Variants in MYH10 observed in about 807,000 individuals in gnomAD.
MYH10 encodes myosin-10.
In MYH10, 55 loss-of-function variants were observed where a neutral mutation model predicts 257.8. The ratio of observed to expected loss-of-function variants is 0.21; its 90% CI spans 0.17 to 0.27. The LOEUF (loss-of-function observed/expected upper bound fraction) is 0.27. Among genes scored for constraint, MYH10 ranks in the 10% least tolerant of loss-of-function variants. The pLI, the probability that MYH10 is intolerant of heterozygous loss-of-function variation, is 1.00. For missense variants in MYH10, 1,631 were observed against 2,500.6 expected (o/e 0.65, Z 7.42); for synonymous variants, 854 against 921.7 (o/e 0.93, Z 1.33).
At chr17:8,553,370 T>A (rs1300966830) in intron 8 of MYH10, among the ~76,000 whole-genome samples, 1 of 152,214 alleles carries the variant, frequency 6.6e-6, no homozygotes, top group Non-Finnish European at 1.5e-5. Context: ...TCATCTATCT[T>A]TCTAATTGGC....
intron 7 of MYH10, chr17:8,560,990 AC>A: frequency 2.0e-6 from 1 of 509,336 alleles, no homozygotes; most frequent in South Asian, 2.0e-5. Flanking sequence ...TTTGATCTTA[AC>A]CACCAAATCA....
In MYH10 at chr17:8,626,854, C is replaced by T. The variant is rs1249755669; in HGVS notation, c.-31-3577G>A. Among the ~76,000 whole-genome samples the T allele has an allele frequency of 3.3e-5, 5 of 152,058 alleles. 1 individual carries two copies. The highest frequency in any genetic ancestry group is 1.5e-5 in the Non-Finnish European group (1 of 67,986). ...CTGTCTTGCTGTCAGTAGACACGCA[C>T]ACACTTCTTAAATTTTACACTGGAC... is the stretch of plus-strand genomic sequence containing the variant. On this transcript the variant is annotated intron_variant, in intron 1 of 42. Coordinates refer to ENST00000360416, the MANE Select transcript of MYH10 (RefSeq NM_001256012.3).
chr17:8,480,199 C>A lies in MYH10; in HGVS notation c.5508G>T (p.Glu1836Asp). The change falls in exon 40 of 43, where the codon GAG becomes GAT. Residue 1836 changes from glutamate (E) to aspartate (D), a missense_variant. Coordinates refer to ENST00000360416, the MANE Select transcript of MYH10 (RefSeq NM_001256012.3). ...KELKAKLQEL[E>D]GAVKSKFKAT... is the part of the protein sequence containing the mutation. The stretch of plus-strand genomic sequence containing the variant: ...CCTTGAACTTAGACTTGACAGCACC[C>A]TCGAGTTCCTGCAGCTTGGCCTTCA... 6.2e-7 allele frequency: 1 copy of A among 1,614,170 alleles called. No individual in the cohort carries two copies. The highest frequency in any genetic ancestry group is 8.5e-7 in the Non-Finnish European group (1 of 1,180,048).
intron 1 of MYH10, among the ~76,000 whole-genome samples, chr17:8,629,924 G>A (rs2085842107): frequency 2.0e-5 from 3 of 151,562 alleles, no homozygotes; most frequent in African/African-American, 7.3e-5. Context: ...CCCCACGCCC[G>A]CGGCCGGCTC....
chr17:8,608,973 G>T (rs575807980), intron 2 of MYH10, among the ~76,000 whole-genome samples: 1 of 152,272 alleles, frequency 6.6e-6, no homozygotes, highest in South Asian at 2.1e-4. Context: ...ACCACGCCCC[G>T]CTAATTTTTT....
At chr17:8,501,073 T>C in intron 28 of MYH10, 103 bp from the exon 29 acceptor site, 1 of 1,224,280 alleles carries the variant, frequency 8.2e-7, no homozygotes, top group Non-Finnish European at 1.1e-6. Flanking sequence ...ATTACATAAA[T>C]TCCCTTAATA....
At chr17:8,566,650 C>T (rs2083175711) in intron 7 of MYH10, among the ~76,000 whole-genome samples, 2 of 152,150 alleles carry the variant, frequency 1.3e-5, no homozygotes, top group Admixed American at 6.5e-5. Context: ...TCCTAAGAGA[C>T]CCTGGGCCAG....
Position 8,478,404 on chromosome 17 carries a change from C to A in MYH10, c.5640G>T (p.Lys1880Asn), listed in dbSNP as rs1249383948. 2.5e-6 allele frequency: 4 copies of A among 1,614,260 alleles called. No individual in the cohort carries two copies. The highest frequency in any genetic ancestry group is 3.4e-6 in the Non-Finnish European group (4 of 1,180,038). Residue 1880 changes from lysine (K) to asparagine (N), a missense_variant, in exon 41 of 43, where the codon AAG (lysine) becomes AAT (asparagine). Around this residue, in one of 11 missense-constraint regions of MYH10, gnomAD observed 343 missense variants for 389.5 expected, o/e 0.88. Coordinates refer to ENST00000360416, the MANE Select transcript of MYH10 (RefSeq NM_001256012.3). ...CCTGCATGAAGATTTCTTTCAGCTT[C>A]TTCTCAGTGCGACGGACTAATTTGT... ...AANKLVRRTE[K>N]KLKEIFMQVE...
chr17:8,582,022 G>A lies in MYH10; in HGVS notation c.531-4684C>T, dbSNP rs187363660. On this transcript the variant is annotated intron_variant, in intron 4 of 42. Coordinates refer to ENST00000360416, the MANE Select transcript of MYH10 (RefSeq NM_001256012.3). ...CGGGAAAGGGCCTAGCACTGTCCTC[G>A]CCAAAAGGCTCTCAATAAATGGTAG... Among the ~76,000 whole-genome samples, 7 of 152,240 alleles carry A rather than the reference G, an allele frequency of 4.6e-5. No homozygotes were observed. The East Asian group carries it at 1.2e-3, about 25-fold the overall frequency.
At chr17:8,515,414 C>T (rs1409826830) in intron 21 of MYH10, among the ~76,000 whole-genome samples, 1 of 151,990 alleles carries the variant, frequency 6.6e-6, no homozygotes, top group Non-Finnish European at 1.5e-5. Context: ...ATACTGCCAA[C>T]GAATTCCTCC....
rs182249824 is a variant in MYH10 at position 8,531,110 on chromosome 17, G to A, written c.1895-425C>T. ...AATGGCTTTTACTGTCAAAAATTAC[G>A]CTGCTGTGTAATTAATTTTACTTCT... On this transcript the variant is annotated intron_variant, in intron 16 of 42. Transcript: ENST00000360416. 6.6e-5 allele frequency among the ~76,000 whole-genome samples: 10 copies of A among 152,080 alleles called. No homozygotes were observed. The South Asian group carries it at 8.3e-4, about 13-fold the overall frequency.
Position 8,512,583 on chromosome 17 carries a change from C to T in MYH10, c.2820G>A (p.Met940Ile). 1.2e-6 allele frequency: 2 copies of T among 1,613,610 alleles called. No homozygotes were observed. Among genetic ancestry groups the T allele is most frequent in the Non-Finnish European group, 1.7e-6 (2 of 1,179,976 alleles). Residue 940 changes from methionine (M) to isoleucine (I), a missense_variant, in exon 24 of 43, where the codon ATG (methionine) becomes ATA (isoleucine). By Grantham distance (10) the Met-to-Ile change is conservative. Around this residue, in one of 11 missense-constraint regions of MYH10, gnomAD observed 116 missense variants for 221.6 expected, o/e 0.52. Transcript: ENST00000360416. ...ETELFAEAEE[M>I]RARLAAKKQE... ...GCTTTTTAGCAGCAAGTCTTGCCCT[C>T]ATCTCTTCTGCTTCAGCAAAGAGCT...
chr17:8,574,056 T>C (rs1286943910), intron 6 of MYH10, among the ~76,000 whole-genome samples: 1 of 152,198 alleles, frequency 6.6e-6, no homozygotes, highest in East Asian at 1.9e-4. Context: ...TGAAAACATA[T>C]GTTCTCACCA....
At chr17:8,510,789 A>T (rs972860106) in intron 24 of MYH10, among the ~76,000 whole-genome samples, 3 of 152,108 alleles carry the variant, frequency 2.0e-5, no homozygotes, top group African/African-American at 7.2e-5. Context: ...GTCGTGAGAA[A>T]TGAGCTGTCT....
chr17:8,477,096 T>C lies in MYH10; in HGVS notation c.5707-48A>G. ...AAACAAACCAAACTGGTGAATCCAGTGTCGGCCTCTCTGTACCCCGAGCGT... is the reference window on the plus strand; with the variant it reads ...AAACAAACCAAACTGGTGAATCCAGCGTCGGCCTCTCTGTACCCCGAGCGT... On this transcript the variant is annotated intron_variant, in intron 41 of 42. Transcript: ENST00000360416. The surrounding 1 kb of genome is among the most constrained non-coding windows in gnomAD (Gnocchi z 4.2). 6.2e-7 allele frequency: 1 copy of C among 1,605,762 alleles called. No homozygotes were observed. Among genetic ancestry groups the C allele is most frequent in the Non-Finnish European group, 8.5e-7 (1 of 1,175,364 alleles).
chr17:8,603,877 T>C (rs192306705), intron 3 of MYH10, among the ~76,000 whole-genome samples: 212 of 152,314 alleles, frequency 1.4e-3, no homozygotes, highest in African/African-American at 4.8e-3. Context: ...ATGACACTAT[T>C]CTAGTCTTGA....
In MYH10 at chr17:8,499,399, C is replaced by G. The variant is rs748499586; in HGVS notation, c.3822G>C (p.Leu1274=). The change falls in exon 30 of 43, where the codon CTG becomes CTC. Residue 1274 remains leucine (L), a synonymous_variant. Coordinates refer to ENST00000360416, the MANE Select transcript of MYH10 (RefSeq NM_001256012.3). The stretch of plus-strand genomic sequence containing the variant: ...GCTCAGACTCAGCCTTGACCTGCTG[C>G]AGGACCTTCACCTCACACGCCAGCT... ...NKELACEVKV[L]QQVKAESEHK... The G allele has an allele frequency of 6.2e-7, 1 of 1,614,208 alleles. No individual in the cohort carries two copies. Among genetic ancestry groups the G allele is most frequent in the Non-Finnish European group, 8.5e-7 (1 of 1,180,046 alleles).
At chr17:8,618,409 C>T (rs1224216027) in intron 2 of MYH10, among the ~76,000 whole-genome samples, 1 of 152,036 alleles carries the variant, frequency 6.6e-6, no homozygotes, top group African/African-American at 2.4e-5. Flanking sequence ...CTGACTAATT[C>T]TGTATTTTTA....
intron 21 of MYH10, among the ~76,000 whole-genome samples, chr17:8,515,792 C>T (rs552034721): frequency 6.6e-6 from 1 of 152,188 alleles, no homozygotes; most frequent in African/African-American, 2.4e-5. Context: ...GATCCCCCCG[C>T]CTCGGCCTCC....
Sources: gnomAD v4.1 joint callset for allele counts (sites outside exome capture counted in the v4.1 genomes callset) on GRCh38, gnomAD v4.1.1 for gene constraint, gnomAD v4.1.1 regional missense constraint, Gnocchi (gnomAD v3.1) non-coding constraint, MANE v1.5 for transcripts, NCBI Gene and HGNC (gene_info 2026-07-23, HGNC 2026-07-21) for gene names.